The following NEK6 variants were observed in gnomAD, a reference collection of about 807,000 sequenced individuals.
NEK6 encodes the protein serine/threonine-protein kinase Nek6.
A neutral mutation model predicts 43.5 loss-of-function variants in NEK6; 27 were observed. The observed-to-expected ratio is 0.62, with a 90% confidence interval of 0.46 to 0.86. The LOEUF (loss-of-function observed/expected upper bound fraction) is 0.86, where lower values mean the gene tolerates loss of function less well. NEK6 is among the 40% of genes least tolerant of loss of function. NEK6 has a pLI of 0.00. For synonymous variants in NEK6, 167 were observed against 164.1 expected (o/e 1.02, Z -0.14); for missense variants, 318 against 414.4 (o/e 0.77, Z 2.02).
rs781779817 is a variant in NEK6 at position 124,343,865 on chromosome 9, C to T, written c.718-3844C>T. Among the ~76,000 whole-genome samples, 3 of 152,216 alleles carry T rather than the reference C, an allele frequency of 2.0e-5. No individual in the cohort carries two copies. Among genetic ancestry groups the T allele is most frequent in the Non-Finnish European group, 4.4e-5 (3 of 68,038 alleles). On this transcript the variant is annotated intron_variant, in intron 8 of 9. Coordinates refer to ENST00000320246, the MANE Select transcript of NEK6 (RefSeq NM_014397.6). The surrounding 1 kb of genome is among the most constrained non-coding windows in gnomAD (Gnocchi z 5.1). ...CCCGGAAGGCTCAAAAGCCCCTGTG[C>T]TCATCCCTGTGGCTGCAGTGACAGA...
intron 1 of NEK6, among the ~76,000 whole-genome samples, chr9:124,293,334 CAG>C (rs945434900): frequency 3.3e-5 from 5 of 152,214 alleles, no homozygotes; most frequent in African/African-American, 9.7e-5. Flanking sequence ...GTGCCCGACA[CAG>C]AGGAAGCACT....
intron 5 of NEK6, among the ~76,000 whole-genome samples, chr9:124,323,982 G>A (rs916293524): frequency 5.3e-5 from 8 of 151,866 alleles, no homozygotes; most frequent in Non-Finnish European, 1.0e-4. Context: ...CCCACGCCTC[G>A]GGTCCTTCCT....
chr9:124,282,429 G>C (rs184748157), intron 1 of NEK6, among the ~76,000 whole-genome samples: 1 of 152,346 alleles, frequency 6.6e-6, no homozygotes, highest in East Asian at 1.9e-4. Context: ...AACTTGATTA[G>C]TATCTCCAAG....
rs560878217 is a variant in NEK6, at chr9:124,270,069, GC to G, written c.-30+11994del. Among the ~76,000 whole-genome samples the G allele has an allele frequency of 3.5e-3, 522 of 147,450 alleles. 4 individuals are homozygous for G. The highest frequency in any genetic ancestry group is 0.021 in the Middle Eastern group (6 of 288). ...CAGCTGCAGTAGCCGTTCCTTCCAC[GC>G]CCCCCCCCCATGCTGTCTGTGGGGC... On this transcript the variant is annotated intron_variant, in intron 1 of 9. Transcript: ENST00000320246.
chr9:124,345,567 T>G (rs1588550618), intron 8 of NEK6, among the ~76,000 whole-genome samples: 2 of 151,832 alleles, frequency 1.3e-5, no homozygotes, highest in African/African-American at 2.4e-5. Flanking sequence ...GCCTTTGGAG[T>G]TCCCAGCAGC....
At chr9:124,279,096 G>T (rs1000312011) in intron 1 of NEK6, among the ~76,000 whole-genome samples, 4 of 152,116 alleles carry the variant, frequency 2.6e-5, no homozygotes, top group Admixed American at 6.5e-5. Flanking sequence ...GGCCTGGAGA[G>T]GATGGGGGGC....
chr9:124,292,823 C>T, intron 1 of NEK6: 2 of 1,431,938 alleles, frequency 1.4e-6, no homozygotes, highest in Non-Finnish European at 1.8e-6. Context: ...TTAGTCTCTA[C>T]CCTCAAGGAC....
intron 1 of NEK6, among the ~76,000 whole-genome samples, chr9:124,276,339 C>A (rs548795111): frequency 6.6e-6 from 1 of 152,280 alleles, no homozygotes; most frequent in African/African-American, 2.4e-5. Flanking sequence ...TTAGTCTCCT[C>A]ATCAGTCAAG....
rs1554854320 is a variant in NEK6, at chr9:124,331,275, A to AAAC, written c.622+3832_622+3833insCAA. Among the ~76,000 whole-genome samples the AAAC allele has an allele frequency of 6.7e-4, 97 of 145,728 alleles. 3 individuals are homozygous for AAAC. The East Asian group carries it at 0.017, about 26-fold the overall frequency. ...ACTCTGTCTCAAAAAAAAAAAAAACAAAACATTTTGCTCATTTTGCTTTTT... is the reference window on the plus strand; with the variant it reads ...ACTCTGTCTCAAAAAAAAAAAAAACAAACAAACATTTTGCTCATTTTGCTTTTT... On this transcript the variant is annotated intron_variant, in intron 7 of 9. Coordinates refer to ENST00000320246, the MANE Select transcript of NEK6 (RefSeq NM_014397.6).
chr9:124,269,436 C>T (rs999817584), intron 1 of NEK6, among the ~76,000 whole-genome samples: 1 of 151,992 alleles, frequency 6.6e-6, no homozygotes, highest in African/African-American at 2.4e-5. Context: ...TGCAATGGCA[C>T]GATCTTGGCT....
At chr9:124,302,562 C>G (rs529422857) in intron 2 of NEK6, among the ~76,000 whole-genome samples, 3 of 152,256 alleles carry the variant, frequency 2.0e-5, no homozygotes, top group Non-Finnish European at 2.9e-5. Flanking sequence ...GCCTCTCGCT[C>G]TCTCTAGATA....
intron 1 of NEK6, among the ~76,000 whole-genome samples, chr9:124,265,383 G>A (rs1304972823): frequency 5.9e-5 from 9 of 152,076 alleles, no homozygotes; most frequent in African/African-American, 1.7e-4. Context: ...TTAGCTGGGC[G>A]TGGTGGCGTG....
chr9:124,262,227 G>GA (rs1030267657), intron 1 of NEK6, among the ~76,000 whole-genome samples: 3 of 152,098 alleles, frequency 2.0e-5, no homozygotes, highest in Non-Finnish European at 4.4e-5. Flanking sequence ...AGTTTAAAAA[G>GA]AAAAAAAATC....
intron 4 of NEK6, among the ~76,000 whole-genome samples, chr9:124,318,873 G>T (rs1273990748): frequency 6.6e-6 from 1 of 152,166 alleles, no homozygotes; most frequent in Non-Finnish European, 1.5e-5. Context: ...GTTTCACCAT[G>T]TTGGCCAGGC....
chr9:124,279,651 C>T (rs1316172993), intron 1 of NEK6, among the ~76,000 whole-genome samples: 1 of 152,152 alleles, frequency 6.6e-6, no homozygotes, highest in Non-Finnish European at 1.5e-5. Context: ...AGTGGGAGGA[C>T]AGGAGAACCC....
At chr9:124,305,628 G>A (rs952178499) in intron 2 of NEK6, among the ~76,000 whole-genome samples, 1 of 151,520 alleles carries the variant, frequency 6.6e-6, no homozygotes, top group Non-Finnish European at 1.5e-5. Flanking sequence ...CTGTTTTTTT[G>A]GGGTTTTTTT....
chr9:124,295,002 G>A (rs1175258625), intron 1 of NEK6, among the ~76,000 whole-genome samples: 1 of 152,074 alleles, frequency 6.6e-6, no homozygotes, highest in Non-Finnish European at 1.5e-5. Flanking sequence ...GGGAGGGCGA[G>A]GCATCCGGAG....
At chr9:124,304,098 G>A (rs1183290490) in intron 2 of NEK6, among the ~76,000 whole-genome samples, 1 of 152,250 alleles carries the variant, frequency 6.6e-6, no homozygotes, top group Admixed American at 6.5e-5. Context: ...GATGCCCCCA[G>A]TCCCACCAGC....
chr9:124,300,394 C>T (rs1241663849), intron 1 of NEK6, among the ~76,000 whole-genome samples: 2 of 152,056 alleles, frequency 1.3e-5, no homozygotes, highest in African/African-American at 2.4e-5. Context: ...TTAATGGGGG[C>T]GTGGGTCTAC....
Sources: allele counts gnomAD v4.1 joint callset (sites outside exome capture counted in the v4.1 genomes callset), GRCh38; gene constraint gnomAD v4.1.1; non-coding constraint Gnocchi (gnomAD v3.1); transcripts MANE v1.5; gene names NCBI Gene and HGNC (gene_info 2026-07-23, HGNC 2026-07-21).